The following SLC39A8 variants were observed in gnomAD, a reference collection of about 807,000 sequenced individuals.
The protein encoded by SLC39A8 is solute carrier family 39 member 8.
Under a neutral mutation model 40.4 loss-of-function variants are expected in SLC39A8, and 15 were observed. That is an observed-to-expected ratio of 0.37 (90% CI 0.25 to 0.57). The LOEUF is 0.57. Ranked by LOEUF, SLC39A8 falls within the 20% of genes least tolerant of loss-of-function variation. SLC39A8 has a pLI of 0.75. For synonymous variants in SLC39A8, 223 were observed against 221.6 expected (o/e 1.01, Z -0.06); for missense variants, 472 against 558.8 (o/e 0.84, Z 1.57).
chr4:102,316,774 C>A (rs149715291), intron 2 of SLC39A8, among the ~76,000 whole-genome samples: 1 of 152,270 alleles, frequency 6.6e-6, no homozygotes, highest in Non-Finnish European at 1.5e-5. Flanking sequence ...TCCCCAGATT[C>A]ACATGTTGAA....
Position 102,262,563 on chromosome 4 carries a change from A to G in SLC39A8, c.*481T>C, listed in dbSNP as rs1159518130. On this transcript the variant is annotated 3_prime_UTR_variant, in exon 9 of 9. Transcript: ENST00000356736. ...TCCTTAAAGACTTGGAATAATTTAT[A>G]TTAGTGTTGCATACATTTTACCTTC... The G allele has an allele frequency of 1.0e-6, 1 of 985,224 alleles. No homozygotes were observed. Among genetic ancestry groups the G allele is most frequent in the Non-Finnish European group, 1.2e-6 (1 of 829,720 alleles). The allele number at this position is 985,224 out of a possible 1,614,324, so 61.0% of individuals were successfully genotyped here. A position where few individuals can be genotyped will look rare whatever the true frequency, so the allele number is the denominator to read the frequency against.
chr4:102,253,391 TG>T (rs1318320568), exon 12 of SLC39A8: 5 of 715,744 alleles, frequency 7.0e-6, no homozygotes, highest in Non-Finnish European at 1.3e-5. Context: ...TGCAGAGATG[TG>T]GAGGTGAAAT....
At chr4:102,315,925 T>A in intron 2 of SLC39A8, 95 bp from the exon 3 acceptor site, 1 of 1,018,486 alleles carries the variant, frequency 9.8e-7, no homozygotes, top group African/African-American at 1.6e-5. Context: ...TTCATCTAGA[T>A]GCACAGCACT....
intron 6 of SLC39A8, among the ~76,000 whole-genome samples, chr4:102,300,344 T>C (rs1363783925): frequency 6.6e-6 from 1 of 152,114 alleles, no homozygotes; most frequent in Non-Finnish European, 1.5e-5. Context: ...AAAACTATGA[T>C]TTTTATATGA....
At chr4:102,308,586 T>C (rs916763626) in intron 3 of SLC39A8, among the ~76,000 whole-genome samples, 3 of 152,054 alleles carry the variant, frequency 2.0e-5, no homozygotes, top group African/African-American at 7.2e-5. Context: ...CAGGCTGAGA[T>C]ACAACGTGGC....
chr4:102,306,127 T>C (rs36003008), intron 4 of SLC39A8, among the ~76,000 whole-genome samples: 18,269 of 151,950 alleles, frequency 0.12, 1,324 homozygotes, highest in African/African-American at 0.15. Flanking sequence ...TATGAAAATT[T>C]GAGAGATTAT....
At chr4:102,252,050 T>A (rs887137268) in exon 12 of SLC39A8, 1 of 152,282 alleles carries the variant, frequency 6.6e-6, no homozygotes, top group Non-Finnish European at 1.5e-5. Context: ...AACTCTACCA[T>A]AAGTAAAGTA....
rs917683168 is a variant in SLC39A8 at position 102,268,199 on chromosome 4, G to T, written c.841-120C>A. ...TTGTTCCAACAGAAAGTCTTTTAGA[G>T]TAACTAGGAAACCCTAATAATATAT... On this transcript the variant is annotated intron_variant, in intron 6 of 8. Transcript: ENST00000356736. 2.6e-5 allele frequency: 25 copies of T among 978,954 alleles called. No individual in the cohort carries two copies. In the South Asian group the frequency reaches 3.8e-4, roughly 15 times the overall value. 60.6% of individuals were successfully genotyped at this position (978,954 alleles called of 1,614,324 possible). A position where few individuals can be genotyped will look rare whatever the true frequency, so the allele number is the denominator to read the frequency against.
downstream of SLC39A8, among the ~76,000 whole-genome samples, chr4:102,257,710 C>T (rs1451785116): frequency 1.3e-5 from 2 of 152,204 alleles, no homozygotes; most frequent in African/African-American, 4.8e-5. Context: ...ATTGCAAATG[C>T]ACGAAGTCCC....
chr4:102,313,892 T>C (rs1734548858), intron 3 of SLC39A8, among the ~76,000 whole-genome samples: 1 of 152,012 alleles, frequency 6.6e-6, no homozygotes, highest in African/African-American at 2.4e-5. Context: ...CTAGCCCCAG[T>C]GTCTTTAAAT....
intron 6 of SLC39A8, among the ~76,000 whole-genome samples, chr4:102,277,049 G>T (rs1284453152): frequency 6.6e-6 from 1 of 152,102 alleles, no homozygotes; most frequent in East Asian, 1.9e-4. Context: ...ATGGGCAAAA[G>T]CTGGAAGCAG....
At chr4:102,310,781 G>A (rs1329344406) in intron 3 of SLC39A8, among the ~76,000 whole-genome samples, 1 of 151,994 alleles carries the variant, frequency 6.6e-6, no homozygotes, top group African/African-American at 2.4e-5. Flanking sequence ...TATATACGTG[G>A]GACTTTCTCA....
chr4:102,295,862 C>A (rs538942453), intron 6 of SLC39A8, among the ~76,000 whole-genome samples: 1 of 152,164 alleles, frequency 6.6e-6, no homozygotes, highest in Admixed American at 6.5e-5. Context: ...ATGCTTTTGT[C>A]AAATTTACAT....
intron 2 of SLC39A8, among the ~76,000 whole-genome samples, chr4:102,321,785 A>G (rs536131456): frequency 8.5e-5 from 13 of 152,224 alleles, no homozygotes; most frequent in Non-Finnish European, 1.6e-4. Flanking sequence ...TGAGAAAGGT[A>G]GAGACCAGAG....
Position 102,344,658 on chromosome 4 carries a change from G to A in SLC39A8, c.5C>T (p.Ala2Val), listed in dbSNP as rs1383770612. MAPGRAVAGLLL... is the reference protein window; with the variant it reads MVPGRAVAGLLL... ...GAGCCCGGCCACCGCGCGACCCGGG[G>A]CCATCCTGGCCTGGGCTTCCCCTTG... The change falls in exon 2 of 9, where the codon GCC becomes GTC. Residue 2 changes from alanine to valine, a missense_variant. Ala to Val is a moderately conservative substitution (Grantham distance 64). Transcript: ENST00000356736. The A allele has an allele frequency of 1.1e-5, 16 of 1,522,148 alleles. No individual in the cohort carries two copies. Among genetic ancestry groups the A allele is most frequent in the Middle Eastern group, 3.9e-4 (2 of 5,098 alleles). The allele number at this position is 1,522,148 out of a possible 1,614,324, so 94.3% of individuals were successfully genotyped here.
intron 3 of SLC39A8, 144 bp from the exon 4 acceptor site, chr4:102,307,749 TA>T (rs1356855662): frequency 6.6e-6 from 5 of 761,376 alleles, no homozygotes; most frequent in Non-Finnish European, 1.1e-5. Context: ...CAATGAAAAG[TA>T]TATAGAAAAC....
chr4:102,273,787 G>A (rs2149009669), intron 6 of SLC39A8, among the ~76,000 whole-genome samples: 1 of 152,354 alleles, frequency 6.6e-6, no homozygotes, highest in East Asian at 1.9e-4. Context: ...AGCCAATGCT[G>A]GTGATACCCA....
intron 2 of SLC39A8, among the ~76,000 whole-genome samples, chr4:102,317,436 T>A (rs1311772856): frequency 2.0e-5 from 3 of 152,150 alleles, no homozygotes; most frequent in Non-Finnish European, 4.4e-5. Flanking sequence ...ATGCCATCCA[T>A]AGAAGAGGAT....
chr4:102,320,310 GTATA>G (rs370507170), intron 2 of SLC39A8, among the ~76,000 whole-genome samples: 1 of 117,456 alleles, frequency 8.5e-6, no homozygotes, highest in African/African-American at 3.4e-5. Flanking sequence ...ATATATATGA[GTATA>G]TATATATGAG....
Sources: gnomAD v4.1 joint callset for allele counts (sites outside exome capture counted in the v4.1 genomes callset) on GRCh38, gnomAD v4.1.1 for gene constraint, MANE v1.5 for transcripts, NCBI Gene and HGNC (gene_info 2026-07-23, HGNC 2026-07-21) for gene names.